MRPS27: variants seen among roughly 807,000 people sequenced by gnomAD.
The protein encoded by MRPS27 is small ribosomal subunit protein mS27.
MRPS27 carries 43 observed loss-of-function variants against 48.9 expected under a neutral mutation model. The observed-to-expected ratio is 0.88, with a 90% CI of 0.69 to 1.13. The LOEUF (loss-of-function observed/expected upper bound fraction) is 1.13. Ranked by LOEUF, MRPS27 falls within the 50% of genes most tolerant of loss-of-function variation. The probability of loss-of-function intolerance (pLI) is 0.00; values close to 1 mark genes in which losing one functional copy is unlikely to be tolerated. For synonymous variants in MRPS27, 188 were observed against 171.9 expected (o/e 1.09, Z -0.73); for missense variants, 467 against 476.3 (o/e 0.98, Z 0.18).
chr5:72,284,182 G>T (rs1749605283), intron 4 of MRPS27, among the ~76,000 whole-genome samples: 1 of 151,688 alleles, frequency 6.6e-6, no homozygotes, highest in Non-Finnish European at 1.5e-5. Context: ...GGAGGCCGAG[G>T]CAGGTGGATT....
intron 2 of MRPS27, among the ~76,000 whole-genome samples, chr5:72,312,695 A>G (rs1241585057): frequency 6.8e-6 from 1 of 147,166 alleles, no homozygotes; most frequent in Non-Finnish European, 1.5e-5. Context: ...ATCTCGGCTC[A>G]CTGCAACCTC....
chr5:72,237,934 CTTTGCTGTACTA>C, intron 5 of MRPS27, 68 bp downstream of exon 5: 1 of 931,424 alleles, frequency 1.1e-6, no homozygotes, highest in Non-Finnish European at 1.7e-6. Context: ...TGGTGTTATT[CTTTGCTGTACTA>C]CAATAGGTAC....
At chr5:72,230,488 C>CT (rs1470676863) in intron 7 of MRPS27, among the ~76,000 whole-genome samples, 2 of 152,004 alleles carry the variant, frequency 1.3e-5, no homozygotes, top group Non-Finnish European at 2.9e-5. Flanking sequence ...ATTTAATTGA[C>CT]TTTTTTTATT....
rs544391824 is a variant in MRPS27 at position 72,310,862 on chromosome 5, C to G, written c.151+3219G>C. Among the ~76,000 whole-genome samples, 8 of 152,290 alleles carry G rather than the reference C, an allele frequency of 5.3e-5. No individual in the cohort carries two copies. The South Asian group carries it at 8.3e-4, about 16-fold the overall frequency. Reference sequence around the variant, plus strand: ...TTGACTAGGTGATCAAAACTGACATCACCAGTGAAGGCATATGATATCAGG... The same window carrying G: ...TTGACTAGGTGATCAAAACTGACATGACCAGTGAAGGCATATGATATCAGG... On this transcript the variant is annotated intron_variant, in intron 2 of 10. Coordinates refer to ENST00000261413, the MANE Select transcript of MRPS27 (RefSeq NM_015084.3).
rs759509811 is a variant in MRPS27, at chr5:72,234,112, T to G, written c.475+7A>C. On this transcript the variant is annotated splice_region_variant and intron_variant, in intron 6 of 10. Transcript: ENST00000261413. ...TATAAACACTGAATCTGGGGTTAGTTTCTTACCTTTGTAATTTTCTTTCTT... is the reference window on the plus strand; with the variant it reads ...TATAAACACTGAATCTGGGGTTAGTGTCTTACCTTTGTAATTTTCTTTCTT... 1.3e-6 allele frequency: 2 copies of G among 1,506,804 alleles called. No individual in the cohort carries two copies. 93.3% of individuals were successfully genotyped at this position (1,506,804 alleles called of 1,614,324 possible).
intron 2 of MRPS27, among the ~76,000 whole-genome samples, chr5:72,303,071 T>C (rs1750164665): frequency 6.6e-6 from 1 of 152,278 alleles, no homozygotes; most frequent in Non-Finnish European, 1.5e-5. Flanking sequence ...TGAACTATTC[T>C]ATAGAAACAA....
At chr5:72,276,899 C>T (rs369503623) in intron 4 of MRPS27, among the ~76,000 whole-genome samples, 185 of 152,070 alleles carry the variant, frequency 1.2e-3, no homozygotes, top group African/African-American at 4.1e-3. Context: ...GGCGTGGTGA[C>T]GGGCACCTGT....
chr5:72,258,134 G>T (rs569506841), intron 4 of MRPS27, among the ~76,000 whole-genome samples: 1 of 143,120 alleles, frequency 7.0e-6, no homozygotes, highest in Non-Finnish European at 1.5e-5. Flanking sequence ...AGCTTAAAAA[G>T]TCCGAGGCAC....
rs1397961281 is a variant in MRPS27, at chr5:72,320,195, C to A, written c.27G>T (p.Gly9=). 3 of 1,613,940 alleles carry A rather than the reference C, an allele frequency of 1.9e-6. No homozygotes were observed. Among genetic ancestry groups the A allele is most frequent in the East Asian group, 2.2e-5 (1 of 44,864 alleles). The change falls in exon 1 of 11, where the codon GGG becomes GGT. Residue 9 remains glycine, a synonymous_variant. Transcript: ENST00000261413. MAASIVRR[G]MLLARQVVLP... ...GAACCACTTGCCGCGCCAGGAGCAT[C>A]CCGCGCCGCACTATGGAGGCAGCCA...
chr5:72,318,789 G>A (rs369105888), intron 1 of MRPS27, among the ~76,000 whole-genome samples: 24 of 142,252 alleles, frequency 1.7e-4, no homozygotes, highest in Admixed American at 2.1e-4. Context: ...AACGAAACCC[G>A]AAAAAAAAAA....
At chr5:72,265,782 C>T (rs1245793932) in intron 4 of MRPS27, among the ~76,000 whole-genome samples, 2 of 152,106 alleles carry the variant, frequency 1.3e-5, no homozygotes, top group African/African-American at 2.4e-5. Flanking sequence ...TAATATAACT[C>T]GTAAAACACA....
chr5:72,306,388 C>G (rs1750269529), intron 2 of MRPS27, among the ~76,000 whole-genome samples: 1 of 152,104 alleles, frequency 6.6e-6, no homozygotes, highest in Non-Finnish European at 1.5e-5. Flanking sequence ...AGTATTTATA[C>G]CAAAAGACAA....
intron 4 of MRPS27, among the ~76,000 whole-genome samples, chr5:72,253,862 T>C (rs1748727051): frequency 6.6e-6 from 1 of 152,210 alleles, no homozygotes; most frequent in Non-Finnish European, 1.5e-5. Flanking sequence ...TAGTGAAAGA[T>C]ACTTAAATCA....
At chr5:72,257,812 C>G (rs868166645) in intron 4 of MRPS27, among the ~76,000 whole-genome samples, 3 of 152,010 alleles carry the variant, frequency 2.0e-5, no homozygotes, top group Non-Finnish European at 4.4e-5. Flanking sequence ...AGGCTGGGTG[C>G]GATGGCTCAT....
intron 4 of MRPS27, among the ~76,000 whole-genome samples, chr5:72,274,346 T>G (rs928620289): frequency 1.3e-5 from 2 of 152,276 alleles, no homozygotes; most frequent in African/African-American, 4.8e-5. Context: ...AGAGTGAGAC[T>G]CTGTCTCAAA....
intron 1 of MRPS27, among the ~76,000 whole-genome samples, chr5:72,315,558 A>G (rs1228457241): frequency 3.5e-5 from 5 of 143,046 alleles, no homozygotes; most frequent in African/African-American, 5.1e-5. Flanking sequence ...CTCTGTTTCG[A>G]AAAAAAAAAA....
intron 4 of MRPS27, among the ~76,000 whole-genome samples, chr5:72,259,514 A>C (rs1748910001): frequency 6.6e-6 from 1 of 152,046 alleles, no homozygotes; most frequent in African/African-American, 2.4e-5. Context: ...GCTTCTTCAC[A>C]AGCTTCCATT....
At position 72,254,146 on chromosome 5, in the gene MRPS27, A is replaced by G. The variant is rs1296543454; in HGVS notation, c.282-16018T>C. On this transcript the variant is annotated intron_variant, in intron 4 of 10. Transcript: ENST00000261413. ...CTTCTTTGCTCTGATGATTTTTCAA[A>G]AAGCTAAGTTTTATCTATATTTGAA... Among the ~76,000 whole-genome samples, 3 of 152,332 alleles carry G rather than the reference A, an allele frequency of 2.0e-5. No homozygotes were observed. In the East Asian group the frequency reaches 5.8e-4, roughly 29 times the overall value.
intron 4 of MRPS27, among the ~76,000 whole-genome samples, chr5:72,252,257 AGCAATACTT>A (rs1748686790): frequency 6.6e-6 from 1 of 152,242 alleles, no homozygotes; most frequent in Non-Finnish European, 1.5e-5. Flanking sequence ...CTAATTTATC[AGCAATACTT>A]GTACCATAAG....
Sources: gnomAD v4.1 joint callset for allele counts (sites outside exome capture counted in the v4.1 genomes callset) on GRCh38, gnomAD v4.1.1 for gene constraint, MANE v1.5 for transcripts, NCBI Gene and HGNC (gene_info 2026-07-23, HGNC 2026-07-21) for gene names.